SCARB1: variants seen among roughly 807,000 people sequenced by gnomAD.
The protein encoded by SCARB1 is CD36 and LIMPII analogous 1.
In SCARB1, 30 loss-of-function variants were observed where a neutral mutation model predicts 57.2. The ratio of observed to expected loss-of-function variants is 0.52; its 90% CI spans 0.39 to 0.71. The LOEUF is 0.71. SCARB1 is among the 30% of genes least tolerant of loss of function. The pLI, the probability that SCARB1 is intolerant of heterozygous loss-of-function variation, is 0.00. For synonymous variants in SCARB1, 249 were observed against 268.3 expected, an observed-to-expected ratio of 0.93 and a Z score of 0.70; for missense variants, 543 against 671.2, an observed-to-expected ratio of 0.81 and a Z score of 2.11.
rs1019124608 is a variant in SCARB1 at position 124,810,597 on chromosome 12, T to C, written c.727-308A>G. ...TGTGGTGAGCAGGTGAGGTGAGAGG[T>C]GGGGCGCGGCTGTGCTCAGCCCTCA... On this transcript the variant is annotated intron_variant, in intron 5 of 12. Coordinates refer to ENST00000261693, the MANE Select transcript of SCARB1 (RefSeq NM_005505.5). This position sits in a 1 kb window ranked among gnomAD's most constrained non-coding sequence, Gnocchi z 4.0. Among the ~76,000 whole-genome samples the C allele has an allele frequency of 4.6e-5, 7 of 152,046 alleles. No homozygotes were observed. The highest frequency in any genetic ancestry group is 1.7e-4 in the African/African-American group (7 of 41,390).
rs56008524 is a variant in SCARB1, at chr12:124,817,971, G to A, written c.127-264C>T. ...AACAGGTGACACCAGTCAAGGGACT[G>A]TGGTAAACAGGGGCCCATGCACCAC... On this transcript the variant is annotated intron_variant, in intron 1 of 12. Coordinates refer to ENST00000261693, the MANE Select transcript of SCARB1 (RefSeq NM_005505.5). The surrounding 1 kb of genome is among the most constrained non-coding windows in gnomAD (Gnocchi z 4.8). 4.5e-3 allele frequency among the ~76,000 whole-genome samples: 682 copies of A among 152,358 alleles called. 2 individuals are homozygous for A. The highest frequency in any genetic ancestry group is 0.012 in the East Asian group (64 of 5,186).
rs1174317110 is a variant in SCARB1 at position 124,838,775 on chromosome 12, C to CTTTTT, written c.127-21073_127-21069dup. On this transcript the variant is annotated intron_variant, in intron 1 of 12. Coordinates refer to ENST00000261693, the MANE Select transcript of SCARB1 (RefSeq NM_005505.5). ...TAAACATAAAATTTACCAACTTAGC[C>CTTTTT]TTTTTTTTTTTTTTTTTTGAGATGG... 6.3e-4 allele frequency among the ~76,000 whole-genome samples: 74 copies of CTTTTT among 117,308 alleles called. 4 individuals carry two copies. The highest frequency in any genetic ancestry group is 7.4e-4 in the Admixed American group (7 of 9,522). 77.0% of individuals were successfully genotyped at this position (117,308 alleles called of 152,430 possible).
chr12:124,787,530 C>G (rs1181376428), intron 9 of SCARB1, 73 bp from the exon 10 acceptor site: 7 of 1,332,322 alleles, frequency 5.3e-6, no homozygotes, highest in Non-Finnish European at 7.5e-6. Context: ...TGCTTGAATA[C>G]AACATCTAAA....
At chr12:124,780,481 G>A (rs983329789) in intron 12 of SCARB1, among the ~76,000 whole-genome samples, 1 of 152,254 alleles carries the variant, frequency 6.6e-6, no homozygotes, top group African/African-American at 2.4e-5. Context: ...CTGAGACTCA[G>A]AACAGGACCC....
intron 12 of SCARB1, among the ~76,000 whole-genome samples, chr12:124,779,428 C>T (rs1329857624): frequency 1.3e-5 from 2 of 152,172 alleles, no homozygotes; most frequent in African/African-American, 4.8e-5. Flanking sequence ...AACAAACCCA[C>T]GTGCCAAGTT....
rs1950619835 is a variant in SCARB1 at position 124,814,365 on chromosome 12, T to C, written c.467A>G (p.Lys156Arg). 2 of 1,614,064 alleles carry C rather than the reference T, an allele frequency of 1.2e-6. No individual in the cohort carries two copies. Among genetic ancestry groups the C allele is most frequent in the Admixed American group, 3.3e-5 (2 of 60,030 alleles). Residue 156 changes from lysine to arginine, a missense_variant, in exon 4 of 13, where the codon AAG becomes AGG. By Grantham distance (26) the Lys-to-Arg change is conservative. Transcript: ENST00000261693. This position sits in a 1 kb window ranked among gnomAD's most constrained non-coding sequence, Gnocchi z 4.7. ...GGTGAATGCCAAGGTCATGATGAGCTTCAGGGTCATGGGCTTATTCTCCAT... is the reference window on the plus strand; with the variant it reads ...GGTGAATGCCAAGGTCATGATGAGCCTCAGGGTCATGGGCTTATTCTCCAT... ...VMMENKPMTLKLIMTLAFTTL... is the reference protein window; with the variant it reads ...VMMENKPMTLRLIMTLAFTTL...
At chr12:124,821,744 G>A (rs75387609) in intron 1 of SCARB1, among the ~76,000 whole-genome samples, 10,398 of 152,190 alleles carry the variant, frequency 0.068, 1,016 homozygotes, top group African/African-American at 0.22. Context: ...TGAAGACCCC[G>A]GGCACCAGAG....
chr12:124,792,497 G>A lies in SCARB1; in HGVS notation c.1202+2698C>T, dbSNP rs768058459. The stretch of plus-strand genomic sequence containing the variant: ...CTATAATCCCAGCACTCTGGGAGGC[G>A]GATCACCTGAGGTCACAAGTTCGAG... On this transcript the variant is annotated intron_variant, in intron 9 of 12. Coordinates refer to ENST00000261693, the MANE Select transcript of SCARB1 (RefSeq NM_005505.5). Among the ~76,000 whole-genome samples the A allele has an allele frequency of 1.1e-4, 17 of 151,886 alleles. 1 individual carries two copies. Among genetic ancestry groups the A allele is most frequent in the African/African-American group, 3.6e-4 (15 of 41,280 alleles).
intron 2 of SCARB1, among the ~76,000 whole-genome samples, chr12:124,815,898 C>CTGG (rs1950695410): frequency 6.6e-6 from 1 of 152,144 alleles, no homozygotes; most frequent in African/African-American, 2.4e-5. Flanking sequence ...GTGCCATGCT[C>CTGG]TGGACCACAA....
At chr12:124,804,572 GAA>G (rs1178468160) in intron 7 of SCARB1, among the ~76,000 whole-genome samples, 9 of 152,086 alleles carry the variant, frequency 5.9e-5, no homozygotes, top group Admixed American at 5.9e-4. Flanking sequence ...CTTAGGAGCA[GAA>G]ATCCCCGCCG....
chr12:124,857,614 C>T (rs546414324), intron 1 of SCARB1, among the ~76,000 whole-genome samples: 38 of 152,288 alleles, frequency 2.5e-4, no homozygotes, highest in African/African-American at 4.8e-4. Context: ...CCCTCGGGGA[C>T]GCTGCAGTGA....
chr12:124,798,651 T>TG (rs2135590656), intron 8 of SCARB1, among the ~76,000 whole-genome samples: 1 of 151,924 alleles, frequency 6.6e-6, no homozygotes, highest in East Asian at 1.9e-4. Flanking sequence ...GAGACCAGCA[T>TG]GGCCAACGTG....
intron 1 of SCARB1, among the ~76,000 whole-genome samples, chr12:124,837,997 A>G (rs770427679): frequency 6.6e-6 from 1 of 152,276 alleles, no homozygotes; most frequent in Non-Finnish European, 1.5e-5. Context: ...TTTGGTGTTC[A>G]TAAATGCAGT....
In SCARB1 at chr12:124,780,646, A is replaced by G. The variant is rs141662930; in HGVS notation, c.*2037T>C. On this transcript the variant is annotated intron_variant, in intron 12 of 12. Coordinates refer to ENST00000261693, the MANE Select transcript of SCARB1 (RefSeq NM_005505.5). ...CTGGGCTCCAGACCTTCCAGGAGGC[A>G]GGGCAGGAGGGTCTTTTCAAGTCAA... is the stretch of plus-strand genomic sequence containing the variant. Among the ~76,000 whole-genome samples the G allele has an allele frequency of 1.0e-3, 157 of 152,336 alleles. 1 individual carries two copies. The Middle Eastern group carries it at 0.017, about 17-fold the overall frequency.
intron 1 of SCARB1, among the ~76,000 whole-genome samples, chr12:124,836,070 G>T (rs946953503): frequency 2.0e-5 from 3 of 152,326 alleles, no homozygotes; most frequent in African/African-American, 4.8e-5. Context: ...TTTCAACCCT[G>T]CCTGAGCATC....
intron 1 of SCARB1, among the ~76,000 whole-genome samples, chr12:124,825,173 C>T (rs1004708581): frequency 7.2e-5 from 10 of 139,498 alleles, no homozygotes; most frequent in African/African-American, 2.7e-4. Flanking sequence ...TGCAGCGAGC[C>T]AAAATTGCGC....
intron 1 of SCARB1, among the ~76,000 whole-genome samples, chr12:124,858,537 G>A (rs1012252052): frequency 6.6e-6 from 1 of 152,130 alleles, no homozygotes; most frequent in Non-Finnish European, 1.5e-5. Flanking sequence ...CATCTGGCCA[G>A]TCTTTGAGGA....
intron 1 of SCARB1, among the ~76,000 whole-genome samples, chr12:124,844,425 C>T (rs1327187027): frequency 1.3e-5 from 2 of 152,152 alleles, no homozygotes; most frequent in Admixed American, 6.5e-5. Context: ...TGGTTTTAGC[C>T]CATTTTATAG....
At chr12:124,847,496 C>T (rs965592025) in intron 1 of SCARB1, among the ~76,000 whole-genome samples, 30 of 152,234 alleles carry the variant, frequency 2.0e-4, no homozygotes, top group African/African-American at 7.2e-4. Context: ...CCCCACCTGC[C>T]ACTCCATCCA....
Sources: gnomAD v4.1 joint callset for allele counts (sites outside exome capture counted in the v4.1 genomes callset) on GRCh38, gnomAD v4.1.1 for gene constraint, Gnocchi (gnomAD v3.1) non-coding constraint, MANE v1.5 for transcripts, NCBI Gene and HGNC (gene_info 2026-07-23, HGNC 2026-07-21) for gene names.